Variants in LPAR3 observed in about 807,000 individuals in gnomAD.
LPAR3 encodes the protein LPA receptor 3.
In LPAR3, 7 loss-of-function variants were observed where a neutral mutation model predicts 17.8. That is an observed-to-expected ratio of 0.39 (90% CI 0.22 to 0.74). The LOEUF (loss-of-function observed/expected upper bound fraction) is 0.74, where lower values mean the gene tolerates loss of function less well. Ranked by LOEUF, LPAR3 falls within the 30% of genes least tolerant of loss-of-function variation. LPAR3 has a pLI of 0.40. For missense variants in LPAR3, 391 were observed against 453.4 expected (o/e 0.86, Z 1.25); for synonymous variants, 179 against 179.9 (o/e 0.99, Z 0.04).
intron 2 of LPAR3, among the ~76,000 whole-genome samples, chr1:84,828,124 CTT>C (rs773963018): frequency 2.0e-5 from 3 of 151,846 alleles, no homozygotes; most frequent in Middle Eastern, 3.2e-3. Context: ...CTCTCTCTCT[CTT>C]TTTTTTCTAT....
In LPAR3 at chr1:84,836,360, C is replaced by T. The variant is rs61768763; in HGVS notation, c.737-22189G>A. On this transcript the variant is annotated intron_variant, in intron 2 of 2. Transcript: ENST00000370611. ...CTTTAAAAAAAAAAAAAAAAAAACC[C>T]ATTCTGCAATTTTGCTGAGCATCTG... Among the ~76,000 whole-genome samples, 907 of 147,086 alleles carry T rather than the reference C, an allele frequency of 6.2e-3. 4 individuals are homozygous for T. The highest frequency in any genetic ancestry group is 0.022 in the Middle Eastern group (6 of 278).
intron 2 of LPAR3, among the ~76,000 whole-genome samples, chr1:84,842,715 G>T (rs932211161): frequency 2.6e-5 from 4 of 152,152 alleles, no homozygotes; most frequent in African/African-American, 9.7e-5. Flanking sequence ...GTAGACTTGG[G>T]AGTTCTTTTC....
intron 2 of LPAR3, among the ~76,000 whole-genome samples, chr1:84,832,232 C>T (rs1482922034): frequency 6.6e-6 from 1 of 152,150 alleles, no homozygotes; most frequent in Non-Finnish European, 1.5e-5. Flanking sequence ...AACAGGCCCC[C>T]TCCCCATCTA....
chr1:84,831,378 C>T (rs754897104), intron 2 of LPAR3, among the ~76,000 whole-genome samples: 36 of 152,078 alleles, frequency 2.4e-4, no homozygotes, highest in Non-Finnish European at 3.8e-4. Flanking sequence ...ATGGCTTGAG[C>T]CCAGGAGTTT....
At position 84,813,539 on chromosome 1, in the gene LPAR3, G is replaced by A; in HGVS notation, c.*307C>T. On this transcript the variant is annotated 3_prime_UTR_variant, in exon 3 of 3. Transcript: ENST00000370611. Reference sequence around the variant, plus strand: ...TCATAACGTCCTTTTAAAATACAAAGAGAATGGCTACGAAATGGTGCCAGA... The same window carrying A: ...TCATAACGTCCTTTTAAAATACAAAAAGAATGGCTACGAAATGGTGCCAGA... The A allele has an allele frequency of 7.0e-6, 2 of 284,708 alleles. No individual in the cohort carries two copies. Among genetic ancestry groups the A allele is most frequent in the South Asian group, 7.7e-5 (1 of 12,914 alleles). 17.6% of individuals were successfully genotyped at this position (284,708 alleles called of 1,614,324 possible).
At chr1:84,831,208 T>A (rs990210033) in intron 2 of LPAR3, among the ~76,000 whole-genome samples, 1 of 152,028 alleles carries the variant, frequency 6.6e-6, no homozygotes, top group Admixed American at 6.5e-5. Flanking sequence ...CTGCAAGGAG[T>A]AGAACTGGTC....
chr1:84,892,657 A>ATTTTG (rs1660574139), intron 1 of LPAR3, among the ~76,000 whole-genome samples: 2 of 152,184 alleles, frequency 1.3e-5, no homozygotes, highest in African/African-American at 2.4e-5. Flanking sequence ...TGGCAATGAG[A>ATTTTG]CTGAGTTTGG....
intron 2 of LPAR3, among the ~76,000 whole-genome samples, chr1:84,852,821 T>A (rs958978774): frequency 1.8e-4 from 28 of 152,002 alleles, no homozygotes; most frequent in Non-Finnish European, 3.4e-4. Flanking sequence ...AGCAGGCACA[T>A]AACAGGAAGG....
chr1:84,827,219 C>T (rs781599454), intron 2 of LPAR3, among the ~76,000 whole-genome samples: 106 of 152,202 alleles, frequency 7.0e-4, no homozygotes, highest in Admixed American at 1.8e-3. Context: ...TATATTAAAT[C>T]ACAAAAAGCA....
At chr1:84,888,175 CACACAG>C (rs59483052) in intron 1 of LPAR3, among the ~76,000 whole-genome samples, 37,596 of 90,330 alleles carry the variant, frequency 0.42, 5,024 homozygotes, top group East Asian at 0.62. Flanking sequence ...CACACACACA[CACACAG>C]AGAGAGGCAG....
At chr1:84,872,534 AG>A (rs1660174376) in intron 1 of LPAR3, among the ~76,000 whole-genome samples, 2 of 152,354 alleles carry the variant, frequency 1.3e-5, no homozygotes, top group South Asian at 4.1e-4. Context: ...ACAACAATCC[AG>A]GCAACAAAAT....
chr1:84,826,972 A>G (rs1029274085), intron 2 of LPAR3, among the ~76,000 whole-genome samples: 2 of 152,222 alleles, frequency 1.3e-5, no homozygotes, highest in Non-Finnish European at 2.9e-5. Context: ...GATTGATACA[A>G]GTTAAGAAAC....
intron 2 of LPAR3, among the ~76,000 whole-genome samples, chr1:84,845,079 T>C (rs1223170230): frequency 1.3e-5 from 2 of 152,166 alleles, no homozygotes; most frequent in African/African-American, 4.8e-5. Flanking sequence ...CTGGGCCCAA[T>C]GTTCACATTA....
intron 2 of LPAR3, among the ~76,000 whole-genome samples, chr1:84,858,356 T>C (rs926964365): frequency 6.6e-6 from 1 of 151,900 alleles, no homozygotes. Context: ...TGGTGCCACA[T>C]GCCTATAATC....
chr1:84,884,409 C>A (rs1487254162), intron 1 of LPAR3, among the ~76,000 whole-genome samples: 3 of 152,184 alleles, frequency 2.0e-5, no homozygotes, highest in Non-Finnish European at 4.4e-5. Context: ...GGGGAACAAG[C>A]ATTTTGCATT....
chr1:84,885,734 A>T (rs1022825597), intron 1 of LPAR3, among the ~76,000 whole-genome samples: 1 of 152,224 alleles, frequency 6.6e-6, no homozygotes, highest in African/African-American at 2.4e-5. Flanking sequence ...GCAGCCGAGG[A>T]CAAGAGGCAG....
At chr1:84,818,264 C>T (rs965298342) in intron 2 of LPAR3, among the ~76,000 whole-genome samples, 14 of 152,184 alleles carry the variant, frequency 9.2e-5, no homozygotes, top group Admixed American at 8.5e-4. Flanking sequence ...TGTAATTCAA[C>T]GAAAAGGGAA....
At chr1:84,827,571 C>A (rs1388740990) in intron 2 of LPAR3, among the ~76,000 whole-genome samples, 1 of 152,128 alleles carries the variant, frequency 6.6e-6, no homozygotes, top group Non-Finnish European at 1.5e-5. Flanking sequence ...CCAGAGTGGG[C>A]GATATGACTG....
chr1:84,840,570 T>C (rs900329998), intron 2 of LPAR3, among the ~76,000 whole-genome samples: 14 of 152,196 alleles, frequency 9.2e-5, no homozygotes, highest in Admixed American at 3.3e-4. Context: ...CAATAAACTT[T>C]TATGCATAAG....
Sources: gnomAD v4.1 joint callset for allele counts (sites outside exome capture counted in the v4.1 genomes callset) on GRCh38, gnomAD v4.1.1 for gene constraint, MANE v1.5 for transcripts, NCBI Gene and HGNC (gene_info 2026-07-23, HGNC 2026-07-21) for gene names.